The following RIN3 variants were observed in gnomAD, a reference collection of about 807,000 sequenced individuals.
RIN3 encodes RAB5 interacting protein 3.
In RIN3, 54 loss-of-function variants were observed where a neutral mutation model predicts 76.3. The ratio of observed to expected loss-of-function variants is 0.71; its 90% CI spans 0.57 to 0.89. The LOEUF is 0.89. RIN3 is among the 40% of genes least tolerant of loss of function. The pLI, the probability that RIN3 is intolerant of heterozygous loss-of-function variation, is 0.00. For missense variants in RIN3, 1,256 were observed against 1,322.1 expected, an observed-to-expected ratio of 0.95 and a Z score of 0.78; for synonymous variants, 576 against 564.0, an observed-to-expected ratio of 1.02 and a Z score of -0.30.
chr14:92,560,314 G>T (rs1216733392), intron 2 of RIN3, among the ~76,000 whole-genome samples: 1 of 152,098 alleles, frequency 6.6e-6, no homozygotes, highest in Non-Finnish European at 1.5e-5. Context: ...CCTTCTGAGG[G>T]CGTAGCAGCT....
Position 92,652,551 on chromosome 14 carries a change from G to T in RIN3, c.1502G>T (p.Gly501Val). Residue 501 changes from glycine to valine, a missense_variant, in exon 6 of 10, where the codon GGC becomes GTC. Gly to Val is a moderately radical substitution (Grantham distance 109). Coordinates refer to ENST00000216487, the MANE Select transcript of RIN3 (RefSeq NM_024832.5). The surrounding 1 kb of genome is among the most constrained non-coding windows in gnomAD (Gnocchi z 6.4). Reference protein sequence around the residue: ...ETPTPGPPREGQSPASQAGTQ... With the variant: ...ETPTPGPPREVQSPASQAGTQ... ...CCCACGCCGGGTCCACCCAGAGAGG[G>T]CCAAAGCCCTGCTTCTCAGGCTGGG... The T allele has an allele frequency of 6.2e-7, 1 of 1,613,222 alleles. No homozygotes were observed. The highest frequency in any genetic ancestry group is 8.5e-7 in the Non-Finnish European group (1 of 1,179,896).
intron 4 of RIN3, among the ~76,000 whole-genome samples, chr14:92,624,785 C>T (rs895001440): frequency 2.6e-5 from 4 of 152,208 alleles, no homozygotes; most frequent in African/African-American, 4.8e-5. Context: ...GAGAATTAAA[C>T]TTTCCTTAGC....
Position 92,651,912 on chromosome 14 carries a change from C to T in RIN3, c.863C>T (p.Pro288Leu), listed in dbSNP as rs770368969. ...RRPPPPPPVLPLQPCSPAQPP... is the reference protein window; with the variant it reads ...RRPPPPPPVLLLQPCSPAQPP... ...CCACCACCCCCTCCCCCAGTGCTGCCCCTGCAGCCCTGCAGCCCAGCCCAG... is the reference window on the plus strand; with the variant it reads ...CCACCACCCCCTCCCCCAGTGCTGCTCCTGCAGCCCTGCAGCCCAGCCCAG... Residue 288 changes from proline to leucine, a missense_variant, in exon 6 of 10, where the codon CCC becomes CTC. Pro to Leu is a moderately conservative substitution (Grantham distance 98, BLOSUM62 -3). This residue lies in a region of RIN3 where 610 missense variants were observed against 626.4 expected (regional missense o/e 0.97). Transcript: ENST00000216487. 28 of 1,548,242 alleles carry T rather than the reference C, an allele frequency of 1.8e-5. No homozygotes were observed. The highest frequency in any genetic ancestry group is 2.1e-5 in the Non-Finnish European group (24 of 1,143,174).
intron 1 of RIN3, among the ~76,000 whole-genome samples, chr14:92,536,742 G>GGA (rs1566831572): frequency 7.8e-6 from 1 of 128,234 alleles, no homozygotes. Flanking sequence ...CTCCGTCTCA[G>GGA]AAAAAAAAAA....
chr14:92,682,447 C>T (rs1888700666), intron 8 of RIN3, among the ~76,000 whole-genome samples: 1 of 152,226 alleles, frequency 6.6e-6, no homozygotes, highest in African/African-American at 2.4e-5. Flanking sequence ...TCAAGAAGTC[C>T]AGGCGAAGCA....
chr14:92,569,178 G>A (rs565467167), intron 2 of RIN3, among the ~76,000 whole-genome samples: 30 of 152,294 alleles, frequency 2.0e-4, no homozygotes, highest in African/African-American at 7.0e-4. Context: ...CTGGGGTCAG[G>A]CAATCCCTTC....
At position 92,652,192 on chromosome 14, in the gene RIN3, C is replaced by A. The variant is rs772502769; in HGVS notation, c.1143C>A (p.Asn381Lys). 3 of 1,605,310 alleles carry A rather than the reference C, an allele frequency of 1.9e-6. No homozygotes were observed. Among genetic ancestry groups the A allele is most frequent in the Non-Finnish European group, 2.6e-6 (3 of 1,174,436 alleles). ...CCCCGCCACTGCCTGCGAAGAAGAA[C>A]CTTCCCACTGCCCCTCCCAGACGCC... ...VPAPPLPAKK[N>K]LPTAPPRRRV... The change falls in exon 6 of 10, where the codon AAC becomes AAA. Residue 381 changes from asparagine to lysine, a missense_variant. This residue lies in a region of RIN3 where 610 missense variants were observed against 626.4 expected (regional missense o/e 0.97). Coordinates refer to ENST00000216487, the MANE Select transcript of RIN3 (RefSeq NM_024832.5). The surrounding 1 kb of genome is among the most constrained non-coding windows in gnomAD (Gnocchi z 6.4).
chr14:92,610,025 G>T (rs1233107978), intron 3 of RIN3, among the ~76,000 whole-genome samples: 1 of 151,628 alleles, frequency 6.6e-6, no homozygotes, highest in Non-Finnish European at 1.5e-5. Context: ...TCAAGGCGCT[G>T]GCAGAAAAAA....
Position 92,631,143 on chromosome 14 carries a change from G to A in RIN3, c.441-10095G>A, listed in dbSNP as rs537761197. On this transcript the variant is annotated intron_variant, in intron 4 of 9. Coordinates refer to ENST00000216487, the MANE Select transcript of RIN3 (RefSeq NM_024832.5). ...AGACATGTGTCCCCAGCACCATGCT[G>A]AACCACAGGCCTGGTCCTGAGCAAG... Among the ~76,000 whole-genome samples, 6 of 152,318 alleles carry A rather than the reference G, an allele frequency of 3.9e-5. No homozygotes were observed. In the South Asian group the frequency reaches 1.2e-3, roughly 32 times the overall value.
intron 4 of RIN3, among the ~76,000 whole-genome samples, chr14:92,619,679 G>A (rs891623104): frequency 5.9e-5 from 9 of 151,922 alleles, no homozygotes; most frequent in African/African-American, 2.2e-4. Flanking sequence ...TGCCCACCTC[G>A]GCCTGCCAAA....
chr14:92,580,510 G>GGA (rs1413507380), intron 3 of RIN3, among the ~76,000 whole-genome samples: 4 of 152,264 alleles, frequency 2.6e-5, no homozygotes, highest in African/African-American at 7.2e-5. Context: ...TAACCATCCA[G>GGA]GATGACTGGC....
At chr14:92,683,112 T>A (rs1301278313) in intron 8 of RIN3, among the ~76,000 whole-genome samples, 3 of 151,536 alleles carry the variant, frequency 2.0e-5, no homozygotes, top group Non-Finnish European at 2.9e-5. Context: ...GGTTGCAATG[T>A]GCCTAGATCA....
chr14:92,558,077 G>A (rs976226475), intron 2 of RIN3, among the ~76,000 whole-genome samples: 4 of 152,306 alleles, frequency 2.6e-5, no homozygotes, highest in African/African-American at 9.6e-5. Context: ...GCCTGGGCGC[G>A]GTGGCTCATG....
chr14:92,612,969 A>G (rs1013762952), intron 3 of RIN3, among the ~76,000 whole-genome samples: 1 of 152,200 alleles, frequency 6.6e-6, no homozygotes, highest in African/African-American at 2.4e-5. Context: ...GTAAAGTGCC[A>G]GGGGGCACAG....
intron 3 of RIN3, among the ~76,000 whole-genome samples, chr14:92,608,746 G>T (rs1885617128): frequency 6.6e-6 from 1 of 152,048 alleles, no homozygotes; most frequent in African/African-American, 2.4e-5. Flanking sequence ...TGCTGGCCAG[G>T]CTGGTCTCGA....
chr14:92,523,096 A>G (rs1406823803), intron 1 of RIN3, among the ~76,000 whole-genome samples: 3 of 152,074 alleles, frequency 2.0e-5, no homozygotes, highest in Admixed American at 6.6e-5. Context: ...AATACATACT[A>G]TCTTGTTTGT....
intron 5 of RIN3, 121 bp from the exon 6 acceptor site, chr14:92,651,461 A>T: frequency 1.7e-6 from 1 of 592,440 alleles, no homozygotes; most frequent in East Asian, 3.2e-5. Context: ...ACCTCGGAGT[A>T]GTGAAGCAAA....
At position 92,651,991 on chromosome 14, in the gene RIN3, T is replaced by G; in HGVS notation, c.942T>G (p.Ser314=). Residue 314 remains serine, a synonymous_variant, in exon 6 of 10, where the codon TCT becomes TCG. Coordinates refer to ENST00000216487, the MANE Select transcript of RIN3 (RefSeq NM_024832.5). Reference sequence around the variant, plus strand: ...CCCCTGCCTGTCCTTTGCCCACCTCTCCCCCAGTGCCTGCCCCCCACGTCA... The same window carrying G: ...CCCCTGCCTGTCCTTTGCCCACCTCGCCCCCAGTGCCTGCCCCCCACGTCA... The part of the protein sequence containing the change: ...APAPACPLPT[S]PPVPAPHVTP... 8.0e-7 allele frequency: 1 copy of G among 1,248,912 alleles called. No homozygotes were observed. Among genetic ancestry groups the G allele is most frequent in the African/African-American group, 1.9e-5 (1 of 53,770 alleles). 77.4% of individuals were successfully genotyped at this position (1,248,912 alleles called of 1,614,324 possible).
intron 2 of RIN3, among the ~76,000 whole-genome samples, chr14:92,567,026 G>A (rs1897933323): frequency 6.6e-6 from 1 of 152,108 alleles, no homozygotes; most frequent in Non-Finnish European, 1.5e-5. Flanking sequence ...TCACAAACGT[G>A]GCCTGGAGGT....
Sources: gnomAD v4.1 joint callset for allele counts (sites outside exome capture counted in the v4.1 genomes callset) on GRCh38, gnomAD v4.1.1 for gene constraint, gnomAD v4.1.1 regional missense constraint, Gnocchi (gnomAD v3.1) non-coding constraint, MANE v1.5 for transcripts, NCBI Gene and HGNC (gene_info 2026-07-23, HGNC 2026-07-21) for gene names.